CTU1: variants seen among roughly 807,000 people sequenced by gnomAD.
CTU1 encodes cytoplasmic tRNA 2-thiolation protein 1.
Under a neutral mutation model 12.9 loss-of-function variants are expected in CTU1, and 15 were observed. The ratio of observed to expected loss-of-function variants is 1.16; its 90% CI spans 0.78 to 1.79. The LOEUF (loss-of-function observed/expected upper bound fraction) is 1.79, where lower values mean the gene tolerates loss of function less well. Among genes scored for constraint, CTU1 ranks in the 40% most tolerant of loss-of-function variants. The probability of loss-of-function intolerance (pLI) is 0.00; values close to 1 mark genes in which losing one functional copy is unlikely to be tolerated. For synonymous variants in CTU1, 295 were observed against 275.6 expected (o/e 1.07, Z -0.70); for missense variants, 553 against 550.5 (o/e 1.00, Z -0.05).
chr19:51,099,202 C>T (rs2091901342), intron 2 of CTU1, 63 bp from the exon 3 acceptor site: 1 of 1,433,674 alleles, frequency 7.0e-7, no homozygotes, highest in Non-Finnish European at 9.4e-7. Flanking sequence ...CCAGGGAGCC[C>T]CCCGGGGAAC....
intron 2 of CTU1, among the ~76,000 whole-genome samples, chr19:51,101,395 T>C (rs1359153649): frequency 2.0e-5 from 3 of 152,198 alleles, no homozygotes; most frequent in African/African-American, 7.2e-5. Context: ...CTGGGATGAG[T>C]CTGCCCTCCT....
Position 51,098,420 on chromosome 19 carries a change from C to A in CTU1, c.*181G>T. 1.9e-6 allele frequency: 1 copy of A among 514,512 alleles called. No individual in the cohort carries two copies. The highest frequency in any genetic ancestry group is 4.1e-5 in the East Asian group (1 of 24,242). 31.9% of individuals were successfully genotyped at this position (514,512 alleles called of 1,614,324 possible). A position where few individuals can be genotyped will look rare whatever the true frequency, so the allele number is the denominator to read the frequency against. Reference sequence around the variant, plus strand: ...AGAGCCTGAAGCCCAGTTCGAGACCCTTCTTCCCTGAGACCTCGAAGTCTG... The same window carrying A: ...AGAGCCTGAAGCCCAGTTCGAGACCATTCTTCCCTGAGACCTCGAAGTCTG... On this transcript the variant is annotated 3_prime_UTR_variant, in exon 3 of 3. Coordinates refer to ENST00000421832, the MANE Select transcript of CTU1 (RefSeq NM_145232.4). This position sits in a 1 kb window ranked among gnomAD's most constrained non-coding sequence, Gnocchi z 4.3.
intron 2 of CTU1, 77 bp downstream of exon 2, chr19:51,103,985 T>C: frequency 7.5e-7 from 1 of 1,325,216 alleles, no homozygotes; most frequent in Non-Finnish European, 9.7e-7. Flanking sequence ...GAATCCCCTT[T>C]CAGGTCCCGC....
chr19:51,103,915 T>A, intron 2 of CTU1, 147 bp downstream of exon 2: 1 of 841,032 alleles, frequency 1.2e-6, no homozygotes, highest in South Asian at 2.5e-5. Context: ...CGCACCTCCG[T>A]ACAGGGATCC....
In CTU1 at chr19:51,103,920, G is replaced by A. The variant is rs2091912934; in HGVS notation, c.508+142C>T. The A allele has an allele frequency of 3.2e-5, 28 of 869,276 alleles. 1 individual carries two copies. In the South Asian group the frequency reaches 6.5e-4, roughly 20 times the overall value. The allele number at this position is 869,276 out of a possible 1,614,324, so 53.8% of individuals were successfully genotyped here. A position where few individuals can be genotyped will look rare whatever the true frequency, so the allele number is the denominator to read the frequency against. ...TGCGCCCTTCCGCACCTCCGTACAG[G>A]GATCCTCCCATTAAGCCACCAGGGT... is the stretch of plus-strand genomic sequence containing the variant. On this transcript the variant is annotated intron_variant, in intron 2 of 2. Transcript: ENST00000421832.
chr19:51,101,892 G>A (rs1360305090), intron 2 of CTU1, among the ~76,000 whole-genome samples: 1 of 152,156 alleles, frequency 6.6e-6, no homozygotes, highest in African/African-American at 2.4e-5. Flanking sequence ...TAAACAAAGG[G>A]TAGAAATCAC....
At chr19:51,103,527 G>T (rs2091911911) in intron 2 of CTU1, among the ~76,000 whole-genome samples, 1 of 146,624 alleles carries the variant, frequency 6.8e-6, no homozygotes, top group Non-Finnish European at 1.5e-5. Flanking sequence ...AGAGGTTGCA[G>T]TAAGCCGAGA....
chr19:51,103,916 A>G (rs966874309), intron 2 of CTU1, 146 bp downstream of exon 2: 9 of 840,634 alleles, frequency 1.1e-5, no homozygotes, highest in Non-Finnish European at 1.5e-5. Flanking sequence ...GCACCTCCGT[A>G]CAGGGATCCT....
In CTU1 at chr19:51,104,171, GCTGC is replaced by G; in HGVS notation, c.395_398del (p.Arg132ProfsTer36). The G allele has an allele frequency of 2.0e-6, 3 of 1,522,378 alleles. No homozygotes were observed. The highest frequency in any genetic ancestry group is 2.6e-6 in the Non-Finnish European group (3 of 1,141,952). 94.3% of individuals were successfully genotyped at this position (1,522,378 alleles called of 1,614,324 possible). The stretch of plus-strand genomic sequence containing the variant: ...AGCGGCTGCGGCCGGAGCCGGCTGT[GCTGC>G]GGGCCACGGCGTCCATCGTCCAGCC... On this transcript the variant is annotated frameshift_variant, in exon 2 of 3. Coordinates refer to ENST00000421832, the MANE Select transcript of CTU1 (RefSeq NM_145232.4). LOFTEE classifies it high-confidence loss of function.
rs1452271649 is a variant in CTU1, at chr19:51,104,220, G to T, written c.350C>A (p.Ala117Asp). ...ARWELPLTVV[A>D]YEDLFGGWTM... Reference sequence around the variant, plus strand: ...CCAGCCCCCAAAGAGGTCTTCGTAGGCCACGACCGTGAGCGGCAGCTCCCA... The same window carrying T: ...CCAGCCCCCAAAGAGGTCTTCGTAGTCCACGACCGTGAGCGGCAGCTCCCA... Residue 117 changes from alanine to aspartate, a missense_variant, in exon 2 of 3, where the codon GCC becomes GAC. Physicochemically the swap from Ala to Asp is moderately radical, Grantham distance 126. Transcript: ENST00000421832. 2 of 1,518,072 alleles carry T rather than the reference G, an allele frequency of 1.3e-6. No homozygotes were observed. The highest frequency in any genetic ancestry group is 8.8e-7 in the Non-Finnish European group (1 of 1,139,180). 94.0% of individuals were successfully genotyped at this position (1,518,072 alleles called of 1,614,324 possible). A position where few individuals can be genotyped will look rare whatever the true frequency, so the allele number is the denominator to read the frequency against.
intron 2 of CTU1, among the ~76,000 whole-genome samples, chr19:51,100,441 T>C (rs2091904624): frequency 6.6e-6 from 1 of 151,868 alleles, no homozygotes; most frequent in South Asian, 2.1e-4. Flanking sequence ...AAAACCCCCA[T>C]CTCTACTAAA....
Position 51,104,580 on chromosome 19 carries a change from G to T in CTU1, c.-11C>A, listed in dbSNP as rs1320475793. On this transcript the variant is annotated 5_prime_UTR_variant, in exon 2 of 3. Transcript: ENST00000421832. ...CGGCGGGGCGGGCATTGCGGGAGGG[G>T]TCGGCTTCTCCTAGACAGGGAGAGA... The T allele has an allele frequency of 1.6e-6, 2 of 1,246,300 alleles. No homozygotes were observed. Among genetic ancestry groups the T allele is most frequent in the Non-Finnish European group, 2.0e-6 (2 of 994,526 alleles). 77.2% of individuals were successfully genotyped at this position (1,246,300 alleles called of 1,614,324 possible). A position where few individuals can be genotyped will look rare whatever the true frequency, so the allele number is the denominator to read the frequency against.
In CTU1 at chr19:51,098,414, G is replaced by A. The variant is rs1568603147; in HGVS notation, c.*187C>T. ...TCCCTCAGAGCCTGAAGCCCAGTTCGAGACCCTTCTTCCCTGAGACCTCGA... is the reference window on the plus strand; with the variant it reads ...TCCCTCAGAGCCTGAAGCCCAGTTCAAGACCCTTCTTCCCTGAGACCTCGA... On this transcript the variant is annotated 3_prime_UTR_variant, in exon 3 of 3. Transcript: ENST00000421832. The surrounding 1 kb of genome is among the most constrained non-coding windows in gnomAD (Gnocchi z 4.3). 8.4e-6 allele frequency: 4 copies of A among 474,444 alleles called. No individual in the cohort carries two copies. Among genetic ancestry groups the A allele is most frequent in the Non-Finnish European group, 1.3e-5 (4 of 308,736 alleles). The allele number at this position is 474,444 out of a possible 1,614,324, so 29.4% of individuals were successfully genotyped here.
chr19:51,100,362 C>A (rs1451157117), intron 2 of CTU1, among the ~76,000 whole-genome samples: 1 of 152,166 alleles, frequency 6.6e-6, no homozygotes, highest in African/African-American at 2.4e-5. Flanking sequence ...GTAATCCCAG[C>A]ACTTTGGGAG....
chr19:51,106,724 G>C (rs1362810383), intron 1 of CTU1, among the ~76,000 whole-genome samples: 1 of 148,528 alleles, frequency 6.7e-6, no homozygotes. Context: ...CACCATGTTG[G>C]CCAGGCTGGT....
At chr19:51,100,399 C>T (rs2091904436) in intron 2 of CTU1, among the ~76,000 whole-genome samples, 1 of 152,072 alleles carries the variant, frequency 6.6e-6, no homozygotes, top group African/African-American at 2.4e-5. Context: ...CACCTGAGGC[C>T]ACGAGTTTGA....
chr19:51,099,022 C>CGA lies in CTU1; in HGVS notation c.625_626insTC (p.Arg209LeufsTer101). The CGA allele has an allele frequency of 2.0e-6, 3 of 1,509,312 alleles. No individual in the cohort carries two copies. In the Admixed American group the frequency reaches 6.1e-5, roughly 31 times the overall value. The allele number at this position is 1,509,312 out of a possible 1,614,324, so 93.5% of individuals were successfully genotyped here. ...CGAGGCGAACTGCAGCGGGCGGCAG[C>CGA]GCGGCAGGGCGCCCCCCTCGCCGGG... On this transcript the variant is annotated frameshift_variant, in exon 3 of 3. Coordinates refer to ENST00000421832, the MANE Select transcript of CTU1 (RefSeq NM_145232.4). LOFTEE classifies it high-confidence loss of function.
intron 2 of CTU1, among the ~76,000 whole-genome samples, chr19:51,103,480 G>A (rs571889848): frequency 2.2e-4 from 33 of 151,800 alleles, no homozygotes; most frequent in Admixed American, 9.8e-4. Flanking sequence ...GGCTACTCGG[G>A]AGGCTGAGCC....
chr19:51,104,760 C>T (rs1424870858), intron 1 of CTU1, among the ~76,000 whole-genome samples, 170 bp from the exon 2 acceptor site: 1 of 152,114 alleles, frequency 6.6e-6, no homozygotes, highest in Non-Finnish European at 1.5e-5. Flanking sequence ...ATAAATAGGT[C>T]CGGTGTAAGG....
Sources: allele counts gnomAD v4.1 joint callset (sites outside exome capture counted in the v4.1 genomes callset), GRCh38; gene constraint gnomAD v4.1.1; non-coding constraint Gnocchi (gnomAD v3.1); transcripts MANE v1.5; gene names NCBI Gene and HGNC (gene_info 2026-07-23, HGNC 2026-07-21).